KANK1: variants seen among roughly 807,000 people sequenced by gnomAD.
KANK1 encodes the protein KN motif and ankyrin repeat domain-containing protein 1.
KANK1 carries 109 observed loss-of-function variants against 106.2 expected under a neutral mutation model. The observed-to-expected ratio is 1.03, with a 90% CI of 0.88 to 1.20. The LOEUF is 1.20. Ranked by LOEUF, KANK1 falls within the 50% of genes most tolerant of loss-of-function variation. KANK1 has a pLI of 0.00. For synonymous variants in KANK1, 873 were observed against 652.2 expected, an observed-to-expected ratio of 1.34 and a Z score of -5.16; for missense variants, 2,399 against 1,710.7, an observed-to-expected ratio of 1.40 and a Z score of -7.10.
intron 1 of KANK1, among the ~76,000 whole-genome samples, chr9:647,615 T>A (rs1839960926): frequency 6.6e-6 from 1 of 150,824 alleles, no homozygotes; most frequent in South Asian, 2.1e-4. Flanking sequence ...ACTCTTAGTA[T>A]AGTTGTGAGT....
intron 3 of KANK1, among the ~76,000 whole-genome samples, chr9:478,921 C>CT (rs59794020): frequency 0.099 from 13,648 of 137,584 alleles, 2,323 homozygotes; most frequent in African/African-American, 0.34. Context: ...ACATCCATTA[C>CT]TTTTTTTTTT....
intron 1 of KANK1, among the ~76,000 whole-genome samples, chr9:544,740 A>T (rs1037552976): frequency 1.6e-4 from 22 of 140,190 alleles, no homozygotes; most frequent in African/African-American, 5.8e-4. Flanking sequence ...GTGAAGTGGT[A>T]GACTTGGGGA....
At chr9:609,516 C>T (rs1462989847) in intron 1 of KANK1, among the ~76,000 whole-genome samples, 1 of 152,070 alleles carries the variant, frequency 6.6e-6, no homozygotes, top group Non-Finnish European at 1.5e-5. Flanking sequence ...TTAGTCCCGG[C>T]TACTCAAAGG....
intron 1 of KANK1, among the ~76,000 whole-genome samples, chr9:629,457 C>T (rs1835152463): frequency 6.6e-6 from 1 of 152,140 alleles, no homozygotes; most frequent in Admixed American, 6.5e-5. Context: ...AGAAACAAGC[C>T]ATAAAAGTAG....
chr9:583,032 G>T (rs1377940243), intron 1 of KANK1, among the ~76,000 whole-genome samples: 2 of 152,182 alleles, frequency 1.3e-5, no homozygotes, highest in Admixed American at 1.3e-4. Flanking sequence ...ATATGTCATA[G>T]AGGAAGGGGA....
chr9:633,359 G>T (rs1438348810), intron 1 of KANK1, among the ~76,000 whole-genome samples: 1 of 152,148 alleles, frequency 6.6e-6, no homozygotes, highest in Non-Finnish European at 1.5e-5. Context: ...TTGGGAGGCT[G>T]AGGCAGGAGA....
rs537517896 is a variant in KANK1, at chr9:555,013, C to T, written c.-84+50259C>T. ...CCAGAAGTAATGTTTTACCGGCTGC[C>T]TGGGCATCCGTTTGCCCAGTCAAGT... On this transcript the variant is annotated intron_variant, in intron 1 of 11. Transcript: ENST00000382297. Among the ~76,000 whole-genome samples the T allele has an allele frequency of 2.0e-5, 3 of 152,306 alleles. No homozygotes were observed. In the South Asian group the frequency reaches 6.2e-4, roughly 32 times the overall value.
At chr9:704,153 C>T (rs1436356835) in intron 2 of KANK1, among the ~76,000 whole-genome samples, 1 of 152,208 alleles carries the variant, frequency 6.6e-6, no homozygotes, top group Non-Finnish European at 1.5e-5. Context: ...GGGGGAAGAA[C>T]TGTAGTACCT....
chr9:663,001 TA>T (rs71485069), intron 1 of KANK1, among the ~76,000 whole-genome samples: 2 of 152,052 alleles, frequency 1.3e-5, no homozygotes, highest in African/African-American at 4.8e-5. Flanking sequence ...CAGAAAAAAA[TA>T]AATCTGAGGA....
chr9:601,449 T>G (rs1311129166), intron 1 of KANK1, among the ~76,000 whole-genome samples: 1 of 151,886 alleles, frequency 6.6e-6, no homozygotes, highest in East Asian at 1.9e-4. Context: ...TGGTTAGTTA[T>G]TTTGTGGAAT....
intron 1 of KANK1, among the ~76,000 whole-genome samples, chr9:536,892 G>C (rs1388297869): frequency 6.6e-6 from 1 of 152,166 alleles, no homozygotes; most frequent in Non-Finnish European, 1.5e-5. Context: ...TAAGTAAAGT[G>C]TGTGGTTTCT....
intron 3 of KANK1, among the ~76,000 whole-genome samples, chr9:476,037 G>C (rs1174357569): frequency 6.6e-6 from 1 of 151,036 alleles, no homozygotes; most frequent in Non-Finnish European, 1.5e-5. Context: ...ATTTTTAACA[G>C]AGACAAGTTT....
intron 1 of KANK1, among the ~76,000 whole-genome samples, chr9:523,910 C>A (rs755233019): frequency 6.6e-6 from 1 of 151,366 alleles, no homozygotes; most frequent in South Asian, 2.1e-4. Flanking sequence ...CAGTAGAATA[C>A]GGGCTTTTCC....
intron 1 of KANK1, among the ~76,000 whole-genome samples, chr9:618,191 A>G (rs995865735): frequency 1.3e-5 from 2 of 152,164 alleles, no homozygotes; most frequent in Admixed American, 6.5e-5. Context: ...AATACAGGCT[A>G]TTCTAATTCC....
intron 3 of KANK1, among the ~76,000 whole-genome samples, chr9:485,742 A>G (rs879529814): frequency 9.9e-5 from 15 of 152,002 alleles, no homozygotes; most frequent in Non-Finnish European, 2.2e-4. Flanking sequence ...GTGGTGGCGC[A>G]TGCCTGTAAT....
intron 2 of KANK1, among the ~76,000 whole-genome samples, chr9:695,809 C>G (rs973754606): frequency 6.6e-6 from 1 of 152,176 alleles, no homozygotes; most frequent in African/African-American, 2.4e-5. Context: ...AATTTGCCGA[C>G]AGCTGCAAAG....
intron 1 of KANK1, among the ~76,000 whole-genome samples, chr9:605,115 A>G (rs908836299): frequency 6.6e-6 from 1 of 151,490 alleles, no homozygotes; most frequent in African/African-American, 2.4e-5. Flanking sequence ...CAGCCTGACC[A>G]ACATGATGAA....
intron 1 of KANK1, among the ~76,000 whole-genome samples, chr9:636,454 G>C (rs531916580): frequency 3.2e-4 from 49 of 152,144 alleles, no homozygotes; most frequent in Non-Finnish European, 5.3e-4. Flanking sequence ...TTTCTCTTCT[G>C]TTCCACAGCA....
In KANK1 at chr9:742,290, A is replaced by C; in HGVS notation, c.3782A>C (p.Asn1261Thr). ...CTTCTGGCCTGTGGGGCTGATGTCA[A>C]CATCCAGGATGACGAGGGCTCCACG... is the stretch of plus-strand genomic sequence containing the variant. ...KGLLACGADV[N>T]IQDDEGSTAL... is the part of the protein sequence containing the mutation. The change falls in exon 10 of 12, where the codon AAC (asparagine) becomes ACC (threonine). Residue 1261 changes from asparagine to threonine, a missense_variant. Asn to Thr is a moderately conservative substitution (Grantham distance 65). Transcript: ENST00000382297. 1 of 1,614,154 alleles carries C rather than the reference A, an allele frequency of 6.2e-7. No individual in the cohort carries two copies. The highest frequency in any genetic ancestry group is 8.5e-7 in the Non-Finnish European group (1 of 1,180,000).
Sources: allele counts gnomAD v4.1 joint callset (sites outside exome capture counted in the v4.1 genomes callset), GRCh38; gene constraint gnomAD v4.1.1; transcripts MANE v1.5; gene names NCBI Gene and HGNC (gene_info 2026-07-23, HGNC 2026-07-21).